The following NIBAN3 variants were observed in gnomAD, a reference collection of about 807,000 sequenced individuals.
NIBAN3 encodes the protein niban apoptosis regulator 3.
Under a neutral mutation model 76.4 loss-of-function variants are expected in NIBAN3, and 66 were observed. That is an observed-to-expected ratio of 0.86 (90% CI 0.71 to 1.06). NIBAN3 has a LOEUF of 1.06. Ranked by LOEUF, NIBAN3 falls within the 50% of genes least tolerant of loss-of-function variation. The pLI is 0.00. For synonymous variants in NIBAN3, 360 were observed against 355.2 expected, an observed-to-expected ratio of 1.01 and a Z score of -0.15; for missense variants, 808 against 810.7, an observed-to-expected ratio of 1.00 and a Z score of 0.04.
At position 17,542,251 on chromosome 19, in the gene NIBAN3, G is replaced by A; in HGVS notation, c.1286G>A (p.Gly429Glu). The A allele has an allele frequency of 6.2e-7, 1 of 1,613,556 alleles. No homozygotes were observed. Among genetic ancestry groups the A allele is most frequent in the Non-Finnish European group, 8.5e-7 (1 of 1,179,820 alleles). Reference protein sequence around the residue: ...GQLAAPFGFLGMQSLVFGAQD... With the variant: ...GQLAAPFGFLEMQSLVFGAQD... ...CTGGCAGCACCGTTTGGCTTTCTGG[G>A]GATGCAGAGCCTCGTGTTTGGGGCC... The change falls in exon 10 of 15, where the codon GGG becomes GAG. Residue 429 changes from glycine (G) to glutamate (E), a missense_variant. Coordinates refer to ENST00000599164, the MANE Select transcript of NIBAN3 (RefSeq NM_001321827.2). This position sits in a 1 kb window ranked among gnomAD's most constrained non-coding sequence, Gnocchi z 4.8.
At position 17,535,745 on chromosome 19, in the gene NIBAN3, C is replaced by CAA. The variant is rs1163900162; in HGVS notation, c.428-1615_428-1614dup. ...CATGGGAGACAGAGCAAGACTCTGT[C>CAA]AAAAAAAAAAAAAAAAAGCCAGGTG... On this transcript the variant is annotated intron_variant, in intron 4 of 14. Transcript: ENST00000599164. 1.8e-3 allele frequency among the ~76,000 whole-genome samples: 154 copies of CAA among 85,978 alleles called. 3 individuals carry two copies. Among genetic ancestry groups the CAA allele is most frequent in the African/African-American group, 5.2e-3 (117 of 22,492 alleles). The allele number at this position is 85,978 out of a possible 152,430, so 56.4% of individuals were successfully genotyped here. A position where few individuals can be genotyped will look rare whatever the true frequency, so the allele number is the denominator to read the frequency against.
chr19:17,553,788 A>G (rs926161919), downstream of NIBAN3: 25 of 469,178 alleles, frequency 5.3e-5, no homozygotes, highest in Non-Finnish European at 8.4e-5. Context: ...ATGGGATGGG[A>G]TGTATCTTGT....
chr19:17,554,499 A>C (rs2076197107), downstream of NIBAN3, among the ~76,000 whole-genome samples: 2 of 151,338 alleles, frequency 1.3e-5, no homozygotes, highest in Admixed American at 1.3e-4. Flanking sequence ...GAAAATAATA[A>C]TAAGCTGGGC....
downstream of NIBAN3, among the ~76,000 whole-genome samples, chr19:17,555,412 A>G (rs1291739109): frequency 6.6e-6 from 1 of 152,186 alleles, no homozygotes; most frequent in Non-Finnish European, 1.5e-5. Flanking sequence ...TCTCAGTGGT[A>G]GGAGGCGCCT....
Position 17,550,557 on chromosome 19 carries a change from C to T in NIBAN3, c.1750+1030C>T, listed in dbSNP as rs369245183. ...TGGAATGCACCTGTAGTCCCAGCTA[C>T]CCGGGAGGCCCAGGTGGGAGGTTTA... is the stretch of plus-strand genomic sequence containing the variant. On this transcript the variant is annotated intron_variant, in intron 14 of 14. Transcript: ENST00000599164. Among the ~76,000 whole-genome samples the T allele has an allele frequency of 5.9e-5, 9 of 152,158 alleles. No individual in the cohort carries two copies. In the East Asian group the frequency reaches 1.5e-3, roughly 26 times the overall value.
At chr19:17,540,036 C>G in intron 8 of NIBAN3, 1 of 385,926 alleles carries the variant, frequency 2.6e-6, no homozygotes, top group Non-Finnish European at 4.6e-6. Context: ...TGCTTGGATA[C>G]AAAAAGGGCG....
chr19:17,535,969 G>A (rs979910216), intron 4 of NIBAN3, among the ~76,000 whole-genome samples: 5 of 152,016 alleles, frequency 3.3e-5, no homozygotes, highest in African/African-American at 1.2e-4. Flanking sequence ...GCCACTGAAA[G>A]TGTCCCAGAC....
At chr19:17,527,244 A>C, upstream of NIBAN3, 2 of 1,549,432 alleles carry the variant, frequency 1.3e-6, no homozygotes, top group Non-Finnish European at 1.7e-6. Context: ...ACCCACTGTG[A>C]CCAAGCCTCT....
At chr19:17,527,198 G>A (rs1465490923), upstream of NIBAN3, 3 of 1,542,506 alleles carry the variant, frequency 1.9e-6, no homozygotes, top group African/African-American at 2.7e-5. Flanking sequence ...GAGGACGCAG[G>A]TGCAGCGTGG....
chr19:17,548,695 G>A (rs2076102431), intron 13 of NIBAN3, among the ~76,000 whole-genome samples: 1 of 152,186 alleles, frequency 6.6e-6, no homozygotes, highest in Admixed American at 6.6e-5. Context: ...GGAGGTTGAG[G>A]AGGGTGGATC....
chr19:17,544,381 G>A (rs750356168), intron 12 of NIBAN3, among the ~76,000 whole-genome samples: 3 of 152,232 alleles, frequency 2.0e-5, no homozygotes, highest in Non-Finnish European at 4.4e-5. Flanking sequence ...CTTCACCTAT[G>A]ACGGGGTTCA....
chr19:17,543,729 A>G (rs2075999179), intron 12 of NIBAN3, 98 bp downstream of exon 12: 1 of 1,032,808 alleles, frequency 9.7e-7, no homozygotes, highest in Non-Finnish European at 1.4e-6. Context: ...GCAGTGGCTC[A>G]TGCCTGTAAT....
intron 14 of NIBAN3, 28 bp from the exon 15 acceptor site, chr19:17,551,758 T>G: frequency 1.3e-6 from 1 of 750,226 alleles, no homozygotes. Flanking sequence ...ATCTGATTTT[T>G]GACGTCCGTA....
chr19:17,546,892 G>A, intron 13 of NIBAN3, 95 bp downstream of exon 13: 1 of 1,453,562 alleles, frequency 6.9e-7, no homozygotes, highest in Non-Finnish European at 9.3e-7. Flanking sequence ...CACTTCCTGT[G>A]AATACTTGCC....
chr19:17,543,358 C>A lies in NIBAN3; in HGVS notation c.1371C>A (p.Asp457Glu). 1 of 1,590,572 alleles carries A rather than the reference C, an allele frequency of 6.3e-7. No homozygotes were observed. Among genetic ancestry groups the A allele is most frequent in the South Asian group, 1.1e-5 (1 of 88,234 alleles). Residue 457 changes from aspartate (D) to glutamate (E), a missense_variant, in exon 11 of 15, where the codon GAC becomes GAA. Transcript: ENST00000599164. ...DAVATFLQLA[D>E]QCLTTALNCD... ...TGGCCACCTTCCTGCAGCTGGCTGA[C>A]CAGTGTCTGACGACGGCCCTCAACT...
chr19:17,540,105 G>C, intron 8 of NIBAN3: 2 of 406,634 alleles, frequency 4.9e-6, no homozygotes, highest in Non-Finnish European at 8.7e-6. Context: ...TTGAGGCCCA[G>C]AGCCGGGCCA....
intron 1 of NIBAN3, 54 bp from the exon 2 acceptor site, chr19:17,530,701 A>T (rs1404609688): frequency 6.5e-7 from 1 of 1,534,334 alleles, no homozygotes; most frequent in African/African-American, 1.4e-5. Flanking sequence ...CTCCCCAAGC[A>T]GGTCTCCTGG....
At chr19:17,544,434 C>T (rs1199125138) in intron 12 of NIBAN3, among the ~76,000 whole-genome samples, 1 of 152,162 alleles carries the variant, frequency 6.6e-6, no homozygotes, top group Non-Finnish European at 1.5e-5. Flanking sequence ...GGGTCCCACA[C>T]ATCGCATATC....
At position 17,539,277 on chromosome 19, in the gene NIBAN3, G is replaced by T; in HGVS notation, c.711+12G>T. On this transcript the variant is annotated intron_variant, in intron 6 of 14. Coordinates refer to ENST00000599164, the MANE Select transcript of NIBAN3 (RefSeq NM_001321827.2). ...GCTCAGACGCCGAGGTTAGTGCCCC[G>T]CGAGGCCGCACCCGGGACCCCCAGG... 1 of 1,585,672 alleles carries T rather than the reference G, an allele frequency of 6.3e-7. No individual in the cohort carries two copies.
Sources: gnomAD v4.1 joint callset for allele counts (sites outside exome capture counted in the v4.1 genomes callset) on GRCh38, gnomAD v4.1.1 for gene constraint, Gnocchi (gnomAD v3.1) non-coding constraint, MANE v1.5 for transcripts, NCBI Gene and HGNC (gene_info 2026-07-23, HGNC 2026-07-21) for gene names.